The following STAG1 variants were observed in gnomAD, a reference collection of about 807,000 sequenced individuals.
STAG1 encodes STAG1 cohesin complex component.
Under a neutral mutation model 170.9 loss-of-function variants are expected in STAG1, and 26 were observed. That is an observed-to-expected ratio of 0.15 (90% CI 0.11 to 0.21). STAG1 has a LOEUF of 0.21. STAG1 is among the 10% of genes least tolerant of loss of function. The probability of loss-of-function intolerance (pLI) is 1.00; values close to 1 mark genes in which losing one functional copy is unlikely to be tolerated. For synonymous variants in STAG1, 514 were observed against 497.7 expected (o/e 1.03, Z -0.44); for missense variants, 964 against 1,509.5 (o/e 0.64, Z 5.99).
At chr3:136,370,905 G>T (rs975468810) in intron 23 of STAG1, among the ~76,000 whole-genome samples, 177 of 152,222 alleles carry the variant, frequency 1.2e-3, no homozygotes, top group African/African-American at 2.5e-3. Context: ...CAAATGGTAT[G>T]TCTAGTTCTA....
intron 1 of STAG1, among the ~76,000 whole-genome samples, chr3:136,673,913 G>T (rs984901253): frequency 2.0e-5 from 3 of 151,648 alleles, no homozygotes; most frequent in African/African-American, 7.3e-5. Flanking sequence ...GGCCAGCCTG[G>T]GTAACATGGC....
intron 25 of STAG1, among the ~76,000 whole-genome samples, chr3:136,366,399 C>T (rs969311346): frequency 6.6e-6 from 1 of 152,074 alleles, no homozygotes; most frequent in Non-Finnish European, 1.5e-5. Flanking sequence ...CTGTAAGCTC[C>T]TTAGTGCAGA....
At chr3:136,675,366 T>C (rs937276335) in intron 1 of STAG1, among the ~76,000 whole-genome samples, 2 of 152,150 alleles carry the variant, frequency 1.3e-5, no homozygotes, top group Non-Finnish European at 2.9e-5. Flanking sequence ...AAATTAATCA[T>C]AGAGACATCT....
intron 3 of STAG1, among the ~76,000 whole-genome samples, chr3:136,613,132 C>G (rs116346061): frequency 0.02 from 3,016 of 151,686 alleles, 99 homozygotes; most frequent in African/African-American, 0.069. Context: ...GAAACTCTGT[C>G]CCTTACTAAA....
intron 32 of STAG1, among the ~76,000 whole-genome samples, chr3:136,339,344 G>A (rs1935845444): frequency 6.6e-6 from 1 of 152,166 alleles, no homozygotes; most frequent in Admixed American, 6.5e-5. Flanking sequence ...CCAACATGGT[G>A]AAACCCCGTC....
At chr3:136,472,628 G>A in intron 11 of STAG1, 136 bp from the exon 12 acceptor site, 1 of 570,836 alleles carries the variant, frequency 1.8e-6, no homozygotes, top group Non-Finnish European at 3.1e-6. Flanking sequence ...TGAAACTGCA[G>A]TATTGTAGTC....
intron 12 of STAG1, among the ~76,000 whole-genome samples, chr3:136,468,222 G>C (rs1039128184): frequency 2.0e-5 from 3 of 152,042 alleles, no homozygotes; most frequent in Non-Finnish European, 2.9e-5. Context: ...CTAGGAGCTC[G>C]TTTTTTGAAA....
chr3:136,477,203 A>AAGTTGT, intron 10 of STAG1, 86 bp downstream of exon 10: 1 of 1,416,962 alleles, frequency 7.1e-7, no homozygotes, highest in Non-Finnish European at 9.4e-7. Context: ...AACTCCTGAA[A>AAGTTGT]AATCAACTAC....
chr3:136,723,959 G>A (rs1274052659), intron 1 of STAG1, among the ~76,000 whole-genome samples: 5 of 150,102 alleles, frequency 3.3e-5, no homozygotes, highest in Admixed American at 6.6e-5. Context: ...CAGGCCAGCC[G>A]CCCCGACCAG....
intron 21 of STAG1, among the ~76,000 whole-genome samples, chr3:136,406,843 G>T (rs924344344): frequency 2.6e-5 from 4 of 152,114 alleles, no homozygotes; most frequent in Non-Finnish European, 5.9e-5. Context: ...CGTGATTAAA[G>T]AATTAAAAGA....
chr3:136,711,527 C>G (rs192700687), intron 1 of STAG1, among the ~76,000 whole-genome samples: 1 of 151,122 alleles, frequency 6.6e-6, no homozygotes, highest in East Asian at 1.9e-4. Flanking sequence ...CGCTACTGCA[C>G]GCCAGCCTGG....
intron 7 of STAG1, among the ~76,000 whole-genome samples, chr3:136,512,839 C>T (rs1233672610): frequency 1.3e-5 from 2 of 152,096 alleles, no homozygotes; most frequent in African/African-American, 2.4e-5. Flanking sequence ...AACACACACA[C>T]CCCTCTGCTA....
intron 1 of STAG1, among the ~76,000 whole-genome samples, chr3:136,674,070 T>C (rs1251893679): frequency 7.3e-6 from 1 of 136,676 alleles, no homozygotes; most frequent in Middle Eastern, 3.5e-3. Flanking sequence ...ACCACTGCAC[T>C]CCAGCCTAGG....
intron 10 of STAG1, among the ~76,000 whole-genome samples, chr3:136,476,983 A>C (rs551338159): frequency 1.3e-5 from 2 of 152,316 alleles, no homozygotes; most frequent in East Asian, 1.9e-4. Flanking sequence ...AGAAAAAAGA[A>C]ATCTCCTTTG....
intron 22 of STAG1, among the ~76,000 whole-genome samples, chr3:136,392,320 T>C (rs756957797): frequency 6.6e-6 from 1 of 152,182 alleles, no homozygotes; most frequent in Non-Finnish European, 1.5e-5. Flanking sequence ...AATTACGGTA[T>C]AGCTACACAA....
rs143718607 is a variant in STAG1 at position 136,422,824 on chromosome 3, G to T, written c.1777C>A (p.Leu593Ile). ...SADAEKVANLLQIPQYFDLEI... is the reference protein window; with the variant it reads ...SADAEKVANLIQIPQYFDLEI... The stretch of plus-strand genomic sequence containing the variant: ...AAATCAAAATACTGTGGGATTTGTA[G>T]CAAGTTTGCTACCTTCTCTGCATCT... Residue 593 changes from leucine to isoleucine, a missense_variant, in exon 18 of 34, where the codon CTA (leucine) becomes ATA (isoleucine). This residue lies in a region of STAG1 where 232 missense variants were observed against 313.0 expected (regional missense o/e 0.74). Transcript: ENST00000383202. 1 of 1,610,032 alleles carries T rather than the reference G, an allele frequency of 6.2e-7. No individual in the cohort carries two copies. Among genetic ancestry groups the T allele is most frequent in the Non-Finnish European group, 8.5e-7 (1 of 1,179,094 alleles).
intron 13 of STAG1, among the ~76,000 whole-genome samples, chr3:136,456,446 A>G (rs1191071432): frequency 2.6e-5 from 4 of 152,236 alleles, no homozygotes; most frequent in African/African-American, 9.6e-5. Flanking sequence ...GGCAGAACTT[A>G]TGAAATTACC....
chr3:136,660,658 A>T (rs1941548347), intron 1 of STAG1, among the ~76,000 whole-genome samples: 2 of 152,176 alleles, frequency 1.3e-5, no homozygotes, highest in Non-Finnish European at 1.5e-5. Context: ...ACAACTTCAA[A>T]GGGAGAATTT....
chr3:136,683,839 T>A (rs1409464192), intron 1 of STAG1, among the ~76,000 whole-genome samples: 8 of 152,170 alleles, frequency 5.3e-5, no homozygotes, highest in Non-Finnish European at 8.8e-5. Flanking sequence ...TAAAAAGTGA[T>A]TGTAGCAAAG....
Sources: gnomAD v4.1 joint callset for allele counts (sites outside exome capture counted in the v4.1 genomes callset) on GRCh38, gnomAD v4.1.1 for gene constraint, gnomAD v4.1.1 regional missense constraint, MANE v1.5 for transcripts, NCBI Gene and HGNC (gene_info 2026-07-23, HGNC 2026-07-21) for gene names.